DKK4: variants seen among roughly 807,000 people sequenced by gnomAD.
The protein encoded by DKK4 is dickkopf-related protein 4.
Under a neutral mutation model 14.5 loss-of-function variants are expected in DKK4, and 15 were observed. The ratio of observed to expected loss-of-function variants is 1.03; its 90% CI spans 0.69 to 1.59. DKK4 has a LOEUF of 1.59. DKK4 is among the 40% of genes most tolerant of loss of function. The pLI, the probability that DKK4 is intolerant of heterozygous loss-of-function variation, is 0.00. For missense variants in DKK4, 272 were observed against 280.3 expected, an observed-to-expected ratio of 0.97 and a Z score of 0.21; for synonymous variants, 89 against 105.2, an observed-to-expected ratio of 0.85 and a Z score of 0.94.
chr8:42,386,602 C>T, the DKK4 span, among the ~76,000 whole-genome samples: 1 of 152,168 alleles, frequency 6.6e-6, no homozygotes, highest in African/African-American at 2.4e-5. Flanking sequence ...AGCGATCCTC[C>T]CAGCCCCTCC....
intron 2 of DKK4, among the ~76,000 whole-genome samples, chr8:42,375,415 G>A (rs756173571): frequency 5.3e-5 from 8 of 151,768 alleles, no homozygotes; most frequent in Non-Finnish European, 8.8e-5. Context: ...GGTGGTACAT[G>A]CCTGTAGTCC....
At chr8:42,381,724 G>A (rs1385194547), upstream of DKK4, among the ~76,000 whole-genome samples, 2 of 152,176 alleles carry the variant, frequency 1.3e-5, no homozygotes, top group African/African-American at 2.4e-5. Context: ...CGAGCCAGGC[G>A]CGGTGGCTCA....
intron 1 of DKK4, 36 bp from the exon 2 acceptor site, chr8:42,375,866 C>T (rs1245779590): frequency 6.2e-7 from 1 of 1,608,414 alleles, no homozygotes; most frequent in Admixed American, 1.7e-5. Context: ...GGCTAGGAAA[C>T]CCCCAACACG....
chr8:42,390,570 A>G, the DKK4 span, among the ~76,000 whole-genome samples: 1 of 150,746 alleles, frequency 6.6e-6, no homozygotes, highest in East Asian at 2.0e-4. Flanking sequence ...TCACTGTGTT[A>G]GCCAGGATGG....
chr8:42,375,880 G>A, intron 1 of DKK4, 50 bp from the exon 2 acceptor site: 1 of 1,598,230 alleles, frequency 6.3e-7, no homozygotes, highest in South Asian at 1.1e-5. Context: ...CAACACGATG[G>A]AAGATGACTT....
upstream of DKK4, among the ~76,000 whole-genome samples, chr8:42,379,425 A>G (rs1475852759): frequency 1.7e-5 from 2 of 121,204 alleles, no homozygotes; most frequent in Non-Finnish European, 3.6e-5. Flanking sequence ...AGAGAGAGAG[A>G]GAAAGATTCA....
In DKK4 at chr8:42,374,901, G is replaced by T. The variant is rs751200796; in HGVS notation, c.275C>A (p.Thr92Lys). 6.2e-7 allele frequency: 1 copy of T among 1,613,992 alleles called. No homozygotes were observed. Among genetic ancestry groups the T allele is most frequent in the Non-Finnish European group, 8.5e-7 (1 of 1,180,026 alleles). Reference protein sequence around the residue: ...GTLCVNDVCTTMEDATPILER... With the variant: ...GTLCVNDVCTKMEDATPILER... ...TAATATTGGGGTTGCATCTTCCATC[G>T]TAGTACAAACATCTGAGGGACAACC... Residue 92 changes from threonine to lysine, a missense_variant, in exon 3 of 4, where the codon ACG (threonine) becomes AAG (lysine). Coordinates refer to ENST00000220812, the MANE Select transcript of DKK4 (RefSeq NM_014420.3).
rs200941514 is a variant in DKK4 at position 42,375,733 on chromosome 8, C to T, written c.209G>A (p.Arg70Gln). 2.3e-5 allele frequency: 37 copies of T among 1,614,014 alleles called. No homozygotes were observed. Among genetic ancestry groups the T allele is most frequent in the East Asian group, 1.3e-4 (6 of 44,890 alleles). Reference sequence around the variant, plus strand: ...CATGGCATCTCGCTGGCACCTCCTCCGCAACCCACGACATGTAGCACAGAA... The same window carrying T: ...CATGGCATCTCGCTGGCACCTCCTCTGCAACCCACGACATGTAGCACAGAA... Reference protein sequence around the residue: ...KPFCATCRGLRRRCQRDAMCC... With the variant: ...KPFCATCRGLQRRCQRDAMCC... Residue 70 changes from arginine to glutamine, a missense_variant, in exon 2 of 4, where the codon CGG (arginine) becomes CAG (glutamine). Arg to Gln is a conservative substitution (Grantham distance 43). Transcript: ENST00000220812.
At chr8:42,384,381 G>C in the DKK4 span, among the ~76,000 whole-genome samples, 61 of 152,264 alleles carry the variant, frequency 4.0e-4, 1 homozygote, top group African/African-American at 1.3e-3. Flanking sequence ...GGGCTCAAGC[G>C]ATCCTCCCAC....
the DKK4 span, among the ~76,000 whole-genome samples, chr8:42,383,885 G>A: frequency 6.6e-5 from 10 of 152,272 alleles, no homozygotes; most frequent in East Asian, 5.8e-4. Flanking sequence ...AGAGGTTGCC[G>A]TGAGCCAAGA....
At chr8:42,377,757 A>G (rs549127910), upstream of DKK4, among the ~76,000 whole-genome samples, 123 of 152,344 alleles carry the variant, frequency 8.1e-4, no homozygotes, top group Admixed American at 7.2e-4. Context: ...CAACCGCTTA[A>G]AAGTTGTGAA....
At chr8:42,388,486 T>A in the DKK4 span, among the ~76,000 whole-genome samples, 2 of 151,492 alleles carry the variant, frequency 1.3e-5, no homozygotes, top group Non-Finnish European at 2.9e-5. Context: ...CGCCCGAGCC[T>A]CCCAAAGTGC....
At chr8:42,384,869 T>C in the DKK4 span, among the ~76,000 whole-genome samples, 1 of 152,190 alleles carries the variant, frequency 6.6e-6, no homozygotes, top group Non-Finnish European at 1.5e-5. Context: ...GAAAACAACA[T>C]AAAATCACAA....
At chr8:42,375,896 T>G in intron 1 of DKK4, 66 bp from the exon 2 acceptor site, 2 of 1,576,850 alleles carry the variant, frequency 1.3e-6, no homozygotes, top group African/African-American at 2.7e-5. Context: ...GACTTATTAT[T>G]GAAGGCAGGA....
intron 3 of DKK4, 126 bp from the exon 4 acceptor site, chr8:42,374,485 A>G: frequency 1.6e-6 from 2 of 1,284,172 alleles, no homozygotes; most frequent in Non-Finnish European, 2.2e-6. Context: ...CACAGCACGC[A>G]GGTCTCACAG....
upstream of DKK4, among the ~76,000 whole-genome samples, chr8:42,379,434 C>A: frequency 9.7e-6 from 1 of 103,558 alleles, no homozygotes; most frequent in East Asian, 2.8e-4. Context: ...GAGAAAGATT[C>A]AGACAGAAAA....
chr8:42,382,961 T>G, the DKK4 span, among the ~76,000 whole-genome samples: 1 of 152,176 alleles, frequency 6.6e-6, no homozygotes, highest in Non-Finnish European at 1.5e-5. Context: ...CAGAACCGAT[T>G]ATTTATACTC....
chr8:42,376,505 CT>C (rs1487165074), intron 1 of DKK4, among the ~76,000 whole-genome samples: 1 of 152,218 alleles, frequency 6.6e-6, no homozygotes, highest in Admixed American at 6.5e-5. Context: ...TCATGGCCCT[CT>C]GTTTAAATTC....
Position 42,375,789 on chromosome 8 carries a change from C to T in DKK4, c.153G>A (p.Lys51=). The change falls in exon 2 of 4, where the codon AAG becomes AAA. Residue 51 remains lysine, a synonymous_variant. Coordinates refer to ENST00000220812, the MANE Select transcript of DKK4 (RefSeq NM_014420.3). ...CLSDTDCNTR[K]FCLQPRDEKP... ...TCTCATCGCGGGGCTGGAGGCAGAA[C>T]TTTCTGGTATTGCAGTCCGTGTCAG... 2 of 1,614,144 alleles carry T rather than the reference C, an allele frequency of 1.2e-6. No individual in the cohort carries two copies. Among genetic ancestry groups the T allele is most frequent in the Non-Finnish European group, 1.7e-6 (2 of 1,180,030 alleles).
Sources: allele counts gnomAD v4.1 joint callset (sites outside exome capture counted in the v4.1 genomes callset), GRCh38; gene constraint gnomAD v4.1.1; transcripts MANE v1.5; gene names NCBI Gene and HGNC (gene_info 2026-07-23, HGNC 2026-07-21).